Variants in CTNNA3 observed in about 807,000 individuals in gnomAD.
CTNNA3 encodes catenin alpha 3.
CTNNA3 carries 76 observed loss-of-function variants against 95.7 expected under a neutral mutation model. The observed-to-expected ratio is 0.79, with a 90% CI of 0.66 to 0.96. The LOEUF is 0.96. Among genes scored for constraint, CTNNA3 ranks in the 40% least tolerant of loss-of-function variants. The probability of loss-of-function intolerance (pLI) is 0.00; values close to 1 mark genes in which losing one functional copy is unlikely to be tolerated. For synonymous variants in CTNNA3, 431 were observed against 374.4 expected (o/e 1.15, Z -1.74); for missense variants, 1,191 against 1,089.8 (o/e 1.09, Z -1.31).
At chr10:66,004,749 G>C (rs2078844960) in intron 15 of CTNNA3, among the ~76,000 whole-genome samples, 1 of 152,170 alleles carries the variant, frequency 6.6e-6, no homozygotes, top group Admixed American at 6.6e-5. Flanking sequence ...ACCCTAAGGA[G>C]AAAACTAGAG....
chr10:66,336,355 A>C (rs1454327845), intron 12 of CTNNA3, among the ~76,000 whole-genome samples: 1 of 152,018 alleles, frequency 6.6e-6, no homozygotes, highest in Non-Finnish European at 1.5e-5. Context: ...AGGTGTTCCT[A>C]TCCGGCCATC....
At chr10:67,332,666 A>G (rs1393280700) in intron 5 of CTNNA3, among the ~76,000 whole-genome samples, 2 of 69,188 alleles carry the variant, frequency 2.9e-5, no homozygotes, top group South Asian at 3.6e-4. Context: ...TTATCCTGTT[A>G]GCCTATATCT....
intron 13 of CTNNA3, among the ~76,000 whole-genome samples, chr10:66,204,827 C>T (rs1004160476): frequency 6.6e-6 from 1 of 152,162 alleles, no homozygotes; most frequent in Non-Finnish European, 1.5e-5. Context: ...CTGGCATGTG[C>T]CAGGGCACCT....
chr10:66,338,112 T>C (rs2092415236), intron 12 of CTNNA3, among the ~76,000 whole-genome samples: 1 of 152,064 alleles, frequency 6.6e-6, no homozygotes, highest in African/African-American at 2.4e-5. Flanking sequence ...GGACTATTAT[T>C]CAGCCATAAA....
At chr10:66,015,289 G>C (rs1157316292) in intron 15 of CTNNA3, among the ~76,000 whole-genome samples, 1 of 152,042 alleles carries the variant, frequency 6.6e-6, no homozygotes, top group African/African-American at 2.4e-5. Flanking sequence ...TCTAGGCATT[G>C]TTTGCTGTGG....
chr10:66,821,908 A>T (rs1207393957), intron 7 of CTNNA3, among the ~76,000 whole-genome samples: 7 of 152,322 alleles, frequency 4.6e-5, no homozygotes, highest in Non-Finnish European at 7.4e-5. Context: ...TTGCTAAACA[A>T]GTTGTGGCTG....
At chr10:66,318,610 T>C (rs1201602497) in intron 12 of CTNNA3, among the ~76,000 whole-genome samples, 2 of 152,024 alleles carry the variant, frequency 1.3e-5, no homozygotes, top group East Asian at 3.9e-4. Flanking sequence ...GAAACTTTAT[T>C]TCCATGTTTC....
At chr10:66,355,190 G>A (rs900716458) in intron 12 of CTNNA3, among the ~76,000 whole-genome samples, 1 of 152,074 alleles carries the variant, frequency 6.6e-6, no homozygotes, top group Non-Finnish European at 1.5e-5. Flanking sequence ...CTGAGTATTA[G>A]TATGTGTAAG....
At chr10:66,328,100 T>C (rs920348792) in intron 12 of CTNNA3, among the ~76,000 whole-genome samples, 1 of 152,110 alleles carries the variant, frequency 6.6e-6, no homozygotes, top group Non-Finnish European at 1.5e-5. Flanking sequence ...TCAAGTGTGA[T>C]CTCTGCCAAA....
intron 17 of CTNNA3, among the ~76,000 whole-genome samples, chr10:65,937,171 A>G (rs975334781): frequency 3.3e-5 from 5 of 152,084 alleles, no homozygotes; most frequent in Non-Finnish European, 5.9e-5. Context: ...CATCTGCCTA[A>G]TTAATGCAAA....
At chr10:66,608,388 A>T (rs1844205514) in intron 10 of CTNNA3, among the ~76,000 whole-genome samples, 1 of 152,182 alleles carries the variant, frequency 6.6e-6, no homozygotes, top group Non-Finnish European at 1.5e-5. Flanking sequence ...CAATTTATAG[A>T]TTCAATGCTA....
intron 3 of CTNNA3, among the ~76,000 whole-genome samples, chr10:67,567,569 T>G (rs568934317): frequency 1.3e-5 from 2 of 152,202 alleles, no homozygotes; most frequent in South Asian, 4.1e-4. Context: ...AAATTACAGG[T>G]GTACCCCATA....
At chr10:66,197,427 A>G (rs2087038780) in intron 13 of CTNNA3, among the ~76,000 whole-genome samples, 1 of 152,124 alleles carries the variant, frequency 6.6e-6, no homozygotes, top group African/African-American at 2.4e-5. Context: ...ATGCAAAAGA[A>G]ATGATCAGCT....
At chr10:66,365,526 A>G (rs1439809539) in intron 12 of CTNNA3, among the ~76,000 whole-genome samples, 1 of 152,184 alleles carries the variant, frequency 6.6e-6, no homozygotes, top group Non-Finnish European at 1.5e-5. Context: ...CCCAGAACTT[A>G]AAGTATAATA....
intron 11 of CTNNA3, among the ~76,000 whole-genome samples, chr10:66,426,224 T>TATG (rs1442482477): frequency 2.0e-5 from 3 of 152,072 alleles, no homozygotes; most frequent in Non-Finnish European, 4.4e-5. Flanking sequence ...GGTGCACATA[T>TATG]ATGCTTTCTA....
At chr10:67,704,369 T>A (rs1308311632) in intron 1 of CTNNA3, among the ~76,000 whole-genome samples, 4 of 152,158 alleles carry the variant, frequency 2.6e-5, no homozygotes, top group Admixed American at 6.5e-5. Flanking sequence ...CTACCTGACT[T>A]CAAACTATAC....
At chr10:66,504,413 GCAA>G (rs1157642586) in intron 11 of CTNNA3, among the ~76,000 whole-genome samples, 2 of 152,144 alleles carry the variant, frequency 1.3e-5, no homozygotes, top group Admixed American at 6.6e-5. Context: ...TAAGTCTATT[GCAA>G]CAACAACTCG....
rs1589237632 is a variant in CTNNA3 at position 66,003,994 on chromosome 10, T to C, written c.2160-15197A>G. On this transcript the variant is annotated intron_variant, in intron 15 of 17. Transcript: ENST00000433211. ...CCTAAAATCTATTATCTTTGTCCTA[T>C]AAACAAGAAAACAGAATTTTAGACG... Among the ~76,000 whole-genome samples the C allele has an allele frequency of 3.3e-5, 5 of 152,336 alleles. No homozygotes were observed. In the South Asian group the frequency reaches 1.0e-3, roughly 32 times the overall value.
At chr10:67,161,346 T>A (rs1297673513) in intron 7 of CTNNA3, among the ~76,000 whole-genome samples, 1 of 151,764 alleles carries the variant, frequency 6.6e-6, no homozygotes, top group Non-Finnish European at 1.5e-5. Flanking sequence ...AAAACAGTCT[T>A]ACGTGTTTCT....
Sources: allele counts gnomAD v4.1 joint callset (sites outside exome capture counted in the v4.1 genomes callset), GRCh38; gene constraint gnomAD v4.1.1; transcripts MANE v1.5; gene names NCBI Gene and HGNC (gene_info 2026-07-23, HGNC 2026-07-21).